SCN11A: variants seen among roughly 807,000 people sequenced by gnomAD.
The protein encoded by SCN11A is sodium channel protein type 11 subunit alpha.
SCN11A carries 122 observed loss-of-function variants against 162.2 expected under a neutral mutation model. The observed-to-expected ratio is 0.75, with a 90% confidence interval of 0.65 to 0.87. The LOEUF is 0.87. Among genes scored for constraint, SCN11A ranks in the 40% least tolerant of loss-of-function variants. The pLI, the probability that SCN11A is intolerant of heterozygous loss-of-function variation, is 0.00. For missense variants in SCN11A, 2,015 were observed against 2,181.6 expected (o/e 0.92, Z 1.52); for synonymous variants, 758 against 751.5 (o/e 1.01, Z -0.14).
chr3:38,894,229 C>T (rs1451393699), intron 19 of SCN11A, among the ~76,000 whole-genome samples: 6 of 152,120 alleles, frequency 3.9e-5, no homozygotes, highest in African/African-American at 1.4e-4. Context: ...ATCCCCTTTT[C>T]CTCACTTTTC....
rs57304690 is a variant in SCN11A at position 38,954,651 on chromosome 3, CAA to C, written c.-138-894_-138-893del. ...ATAAAAAAACAAACAAACAAACAAA[CAA>C]AAAAACAAAAAAACACACACACACC... is the stretch of plus-strand genomic sequence containing the variant. On this transcript the variant is annotated intron_variant, in intron 3 of 29. Coordinates refer to ENST00000302328, the MANE Select transcript of SCN11A (RefSeq NM_001349253.2). Among the ~76,000 whole-genome samples, 3 of 151,390 alleles carry C rather than the reference CAA, an allele frequency of 2.0e-5. No homozygotes were observed. The South Asian group carries it at 6.2e-4, about 32-fold the overall frequency.
chr3:39,022,124 G>A (rs751127142), intron 2 of SCN11A, among the ~76,000 whole-genome samples: 13 of 152,144 alleles, frequency 8.5e-5, no homozygotes, highest in Non-Finnish European at 1.5e-4. Context: ...GCACAGTAAT[G>A]GTTTGTGTGT....
At chr3:38,945,299 A>T (rs973493473) in intron 7 of SCN11A, 112 bp downstream of exon 7, 12 of 663,012 alleles carry the variant, frequency 1.8e-5, no homozygotes, top group Non-Finnish European at 3.1e-5. Flanking sequence ...TTCTGCCAAC[A>T]TATGTGTTAG....
rs917816017 is a variant in SCN11A at position 38,888,525 on chromosome 3, A to C, written c.2836-2287T>G. ...GTGAATTCACTTGAGAAAAAGATGAAAGTTACATAATAATCTGAAAATGTC... is the reference window on the plus strand; with the variant it reads ...GTGAATTCACTTGAGAAAAAGATGACAGTTACATAATAATCTGAAAATGTC... On this transcript the variant is annotated intron_variant, in intron 19 of 29. Coordinates refer to ENST00000302328, the MANE Select transcript of SCN11A (RefSeq NM_001349253.2). Among the ~76,000 whole-genome samples the C allele has an allele frequency of 2.0e-5, 3 of 152,340 alleles. No homozygotes were observed. The South Asian group carries it at 6.2e-4, about 32-fold the overall frequency.
intron 4 of SCN11A, among the ~76,000 whole-genome samples, chr3:38,951,795 G>T (rs1204251353): frequency 1.3e-5 from 2 of 152,120 alleles, no homozygotes; most frequent in Non-Finnish European, 2.9e-5. Context: ...TAATCTGATG[G>T]GGACGTGGAG....
chr3:38,990,567 G>T (rs1338919143), intron 2 of SCN11A, among the ~76,000 whole-genome samples: 1 of 152,126 alleles, frequency 6.6e-6, no homozygotes, highest in Admixed American at 6.5e-5. Flanking sequence ...GGATGACTGA[G>T]AATGGTTTCC....
At chr3:38,871,951 T>C (rs2065134222) in intron 24 of SCN11A, among the ~76,000 whole-genome samples, 1 of 152,148 alleles carries the variant, frequency 6.6e-6, no homozygotes, top group Non-Finnish European at 1.5e-5. Flanking sequence ...TAGAGACTTA[T>C]GGACACCTAC....
intron 2 of SCN11A, among the ~76,000 whole-genome samples, chr3:38,995,295 T>A (rs2030591360): frequency 6.6e-6 from 1 of 152,056 alleles, no homozygotes; most frequent in Non-Finnish European, 1.5e-5. Context: ...TAATTTTTTG[T>A]ATTTTTAGTA....
intron 2 of SCN11A, among the ~76,000 whole-genome samples, chr3:38,963,455 T>G (rs991136650): frequency 8.8e-5 from 11 of 125,134 alleles, no homozygotes; most frequent in Admixed American, 3.2e-4. Flanking sequence ...GATGGAGATA[T>G]ATATATATAT....
chr3:38,960,104 C>T (rs190727955), intron 3 of SCN11A, among the ~76,000 whole-genome samples, 179 bp downstream of exon 3: 2 of 151,960 alleles, frequency 1.3e-5, no homozygotes, highest in East Asian at 1.9e-4. Flanking sequence ...GAGAACAACC[C>T]GATGGACTCC....
At chr3:38,931,684 T>C (rs763460508) in intron 7 of SCN11A, among the ~76,000 whole-genome samples, 3 of 152,212 alleles carry the variant, frequency 2.0e-5, no homozygotes, top group Non-Finnish European at 2.9e-5. Context: ...GATGATGTTG[T>C]ATTCCCTAAT....
At chr3:38,869,981 C>A (rs1458790837) in intron 26 of SCN11A, among the ~76,000 whole-genome samples, 2 of 152,184 alleles carry the variant, frequency 1.3e-5, no homozygotes, top group Non-Finnish European at 2.9e-5. Context: ...ATCAACTCTG[C>A]AGACTCCCAA....
chr3:38,863,264 CT>C lies in SCN11A; in HGVS notation c.3986del (p.Gln1329ArgfsTer8), dbSNP rs1559493066. On this transcript the variant is annotated frameshift_variant, in exon 28 of 30. Transcript: ENST00000302328. LOFTEE classifies it high-confidence loss of function. ...TTTTCATTGCATTATAGTATTTCTTCTGTTCTTCTGTCATAAAAATGTCTTG... is the reference window on the plus strand; with the variant it reads ...TTTTCATTGCATTATAGTATTTCTTCGTTCTTCTGTCATAAAAATGTCTTG... ...GGQDIFMTEE[Q>X]KKYYNAMKKL... is the part of the protein sequence containing the mutation. 1.2e-6 allele frequency: 2 copies of C among 1,605,696 alleles called. No homozygotes were observed. The highest frequency in any genetic ancestry group is 3.3e-5 in the Admixed American group (2 of 59,816).
At chr3:38,870,014 G>A (rs2065099351) in intron 26 of SCN11A, among the ~76,000 whole-genome samples, 1 of 152,156 alleles carries the variant, frequency 6.6e-6, no homozygotes, top group African/African-American at 2.4e-5. Flanking sequence ...ACACACATGT[G>A]CTATAATAGG....
chr3:38,890,333 T>C (rs1436291208), intron 19 of SCN11A, among the ~76,000 whole-genome samples: 1 of 152,210 alleles, frequency 6.6e-6, no homozygotes, highest in Admixed American at 6.5e-5. Context: ...AAGCTCTCCA[T>C]AGAACTGACT....
At chr3:39,017,452 C>A (rs887958569) in intron 2 of SCN11A, among the ~76,000 whole-genome samples, 8 of 152,212 alleles carry the variant, frequency 5.3e-5, no homozygotes, top group Non-Finnish European at 1.2e-4. Flanking sequence ...TTCTCTCTGG[C>A]TGCTTTTAAG....
chr3:38,968,308 C>T (rs916086505), intron 2 of SCN11A, among the ~76,000 whole-genome samples: 13 of 152,210 alleles, frequency 8.5e-5, no homozygotes, highest in Admixed American at 3.9e-4. Context: ...GACTGAGTGG[C>T]CCCACCTGGC....
Position 39,014,223 on chromosome 3 carries a change from C to T in SCN11A, c.-280+18157G>A, listed in dbSNP as rs566509270. On this transcript the variant is annotated intron_variant, in intron 2 of 29. Coordinates refer to ENST00000302328, the MANE Select transcript of SCN11A (RefSeq NM_001349253.2). ...GTATTAAGAGGTGCCCCAGGGAATT[C>T]GTGATTCCAGACATGGTCTTCTCAG... is the stretch of plus-strand genomic sequence containing the variant. Among the ~76,000 whole-genome samples, 17 of 152,234 alleles carry T rather than the reference C, an allele frequency of 1.1e-4. No homozygotes were observed. The East Asian group carries it at 3.3e-3, about 29-fold the overall frequency.
chr3:38,927,504 C>A (rs2066162726), intron 7 of SCN11A, among the ~76,000 whole-genome samples: 1 of 151,882 alleles, frequency 6.6e-6, no homozygotes, highest in African/African-American at 2.4e-5. Context: ...ATAGCCAGAA[C>A]AATCTTGAAA....
Sources: gnomAD v4.1 joint callset for allele counts (sites outside exome capture counted in the v4.1 genomes callset) on GRCh38, gnomAD v4.1.1 for gene constraint, MANE v1.5 for transcripts, NCBI Gene and HGNC (gene_info 2026-07-23, HGNC 2026-07-21) for gene names.